NRP1: variants seen among roughly 807,000 people sequenced by gnomAD.
NRP1 encodes neuropilin-1.
Under a neutral mutation model 106.7 loss-of-function variants are expected in NRP1, and 35 were observed. The ratio of observed to expected loss-of-function variants is 0.33; its 90% CI spans 0.25 to 0.43. NRP1 has a LOEUF of 0.43. Ranked by LOEUF, NRP1 falls within the 20% of genes least tolerant of loss-of-function variation. NRP1 has a pLI of 1.00. For synonymous variants in NRP1, 437 were observed against 417.9 expected (o/e 1.05, Z -0.56); for missense variants, 1,024 against 1,170.4 (o/e 0.87, Z 1.83).
rs542820098 is a variant in NRP1, at chr10:33,225,858, T to A, written c.1137+276A>T. On this transcript the variant is annotated intron_variant, in intron 7 of 16. Transcript: ENST00000374867. ...AGGACAGTGTTTATCCCACGCAGAATCTGTGTCCCCATGGGGGGCTTACAG... is the reference window on the plus strand; with the variant it reads ...AGGACAGTGTTTATCCCACGCAGAAACTGTGTCCCCATGGGGGGCTTACAG... Among the ~76,000 whole-genome samples the A allele has an allele frequency of 5.2e-4, 79 of 152,340 alleles. 1 individual carries two copies. Among genetic ancestry groups the A allele is most frequent in the Non-Finnish European group, 3.1e-4 (21 of 68,028 alleles).
At chr10:33,249,395 T>C (rs752268146) in intron 6 of NRP1, 5 of 494,358 alleles carry the variant, frequency 1.0e-5, no homozygotes, top group Admixed American at 2.3e-5. Context: ...AGATCACAGA[T>C]TGAGAGAGCC....
At chr10:33,208,794 A>G (rs548838153) in intron 9 of NRP1, among the ~76,000 whole-genome samples, 67 of 151,910 alleles carry the variant, frequency 4.4e-4, no homozygotes, top group African/African-American at 1.6e-3. Context: ...AAGTTCCTCA[A>G]TTGTTTATAT....
chr10:33,206,158 T>TA (rs1301376988), intron 10 of NRP1: 1 of 513,882 alleles, frequency 1.9e-6, no homozygotes, highest in African/African-American at 1.9e-5. Flanking sequence ...CTCCACCTCC[T>TA]AAATCAGCAT....
chr10:33,287,154 G>T (rs141455616), intron 2 of NRP1, among the ~76,000 whole-genome samples: 141 of 152,208 alleles, frequency 9.3e-4, no homozygotes, highest in African/African-American at 3.4e-3. Flanking sequence ...AATACTACTG[G>T]AGCAGAAGTA....
At chr10:33,210,419 A>G (rs1838208243) in intron 9 of NRP1, among the ~76,000 whole-genome samples, 1 of 152,242 alleles carries the variant, frequency 6.6e-6, no homozygotes, top group Admixed American at 6.5e-5. Flanking sequence ...TATCTATGGA[A>G]TCCCAGGCTC....
At chr10:33,302,957 G>GGTCAACTTTAGA (rs1293476851) in intron 2 of NRP1, among the ~76,000 whole-genome samples, 1 of 152,142 alleles carries the variant, frequency 6.6e-6, no homozygotes, top group African/African-American at 2.4e-5. Flanking sequence ...CTGTTTTTAG[G>GGTCAACTTTAGA]GTCAACTTTA....
intron 7 of NRP1, among the ~76,000 whole-genome samples, chr10:33,225,353 C>T (rs1254263131): frequency 6.6e-6 from 1 of 152,220 alleles, no homozygotes; most frequent in Non-Finnish European, 1.5e-5. Flanking sequence ...CCCATCATTG[C>T]AAGCTACCTG....
intron 6 of NRP1, among the ~76,000 whole-genome samples, chr10:33,237,205 A>G (rs988958965): frequency 5.3e-5 from 8 of 152,158 alleles, no homozygotes; most frequent in African/African-American, 1.9e-4. Flanking sequence ...AATCCAACAC[A>G]CATTTACTGT....
At chr10:33,182,610 G>A (rs1835756728) in intron 16 of NRP1, 88 bp downstream of exon 16, 7 of 865,026 alleles carry the variant, frequency 8.1e-6, no homozygotes, top group African/African-American at 1.7e-5. Flanking sequence ...TGACATACCA[G>A]TGTATTAGAG....
At chr10:33,298,550 C>T (rs145212588) in intron 2 of NRP1, among the ~76,000 whole-genome samples, 7 of 152,260 alleles carry the variant, frequency 4.6e-5, no homozygotes, top group Middle Eastern at 3.4e-3. Flanking sequence ...GACAAGAACT[C>T]CGCAAATCTC....
chr10:33,283,923 G>A (rs927324496), intron 2 of NRP1, among the ~76,000 whole-genome samples: 1 of 152,140 alleles, frequency 6.6e-6, no homozygotes, highest in African/African-American at 2.4e-5. Flanking sequence ...TAAACAAGGG[G>A]AACATACAAC....
chr10:33,271,084 T>A (rs1843281875), intron 2 of NRP1, among the ~76,000 whole-genome samples: 1 of 152,194 alleles, frequency 6.6e-6, no homozygotes, highest in Non-Finnish European at 1.5e-5. Flanking sequence ...CTATTAAGAA[T>A]AATGGTGTCC....
intron 4 of NRP1, 60 bp downstream of exon 4, chr10:33,263,586 G>C: frequency 7.8e-7 from 1 of 1,278,826 alleles, no homozygotes; most frequent in Non-Finnish European, 1.1e-6. Context: ...ACTTGTAAAA[G>C]AATACTGGTG....
At chr10:33,306,215 T>C (rs528522562) in intron 2 of NRP1, among the ~76,000 whole-genome samples, 5 of 152,370 alleles carry the variant, frequency 3.3e-5, no homozygotes, top group African/African-American at 1.2e-4. Flanking sequence ...CTTCTGTTCA[T>C]GGCAGAGAGC....
At chr10:33,199,662 C>T (rs534174506) in intron 11 of NRP1, among the ~76,000 whole-genome samples, 3 of 151,972 alleles carry the variant, frequency 2.0e-5, no homozygotes, top group African/African-American at 4.8e-5. Context: ...TGTCTATCCA[C>T]GATGCAGATT....
At chr10:33,242,830 T>C (rs1326507443) in intron 6 of NRP1, among the ~76,000 whole-genome samples, 2 of 152,200 alleles carry the variant, frequency 1.3e-5, no homozygotes, top group African/African-American at 4.8e-5. Context: ...GCTAGACAGA[T>C]AAGACAAGTA....
At chr10:33,257,026 A>G (rs936625546) in intron 4 of NRP1, among the ~76,000 whole-genome samples, 1 of 152,228 alleles carries the variant, frequency 6.6e-6, no homozygotes, top group Non-Finnish European at 1.5e-5. Context: ...TATGATAAAC[A>G]TAACAGGCTT....
intron 16 of NRP1, 122 bp from the exon 17 acceptor site, chr10:33,180,487 T>A: frequency 1.0e-6 from 1 of 964,862 alleles, no homozygotes; most frequent in Non-Finnish European, 1.5e-6. Context: ...CTGTCATATC[T>A]GACTCATTGT....
At chr10:33,255,856 A>G (rs1361347491) in intron 5 of NRP1, among the ~76,000 whole-genome samples, 2 of 152,160 alleles carry the variant, frequency 1.3e-5, no homozygotes, top group South Asian at 4.1e-4. Context: ...CATAGAATAC[A>G]AAAAACATAC....
Sources: gnomAD v4.1 joint callset for allele counts (sites outside exome capture counted in the v4.1 genomes callset) on GRCh38, gnomAD v4.1.1 for gene constraint, MANE v1.5 for transcripts, NCBI Gene and HGNC (gene_info 2026-07-23, HGNC 2026-07-21) for gene names.